Variants in ATP2B2 observed in about 807,000 individuals in gnomAD.
ATP2B2 encodes the protein ATPase plasma membrane Ca2+ transporting 2, also known as plasma membrane calcium-transporting ATPase 2.
A neutral mutation model predicts 120.0 loss-of-function variants in ATP2B2; 15 were observed. The observed-to-expected ratio is 0.12, with a 90% confidence interval of 0.08 to 0.19. The LOEUF (loss-of-function observed/expected upper bound fraction) is 0.19, where lower values mean the gene tolerates loss of function less well. Ranked by LOEUF, ATP2B2 falls within the 10% of genes least tolerant of loss-of-function variation. The pLI is 1.00. For missense variants in ATP2B2, 1,045 were observed against 1,719.8 expected (o/e 0.61, Z 6.94); for synonymous variants, 694 against 700.3 (o/e 0.99, Z 0.14).
chr3:10,483,697 G>A (rs905818007), intron 1 of ATP2B2, among the ~76,000 whole-genome samples: 13 of 152,198 alleles, frequency 8.5e-5, no homozygotes, highest in Non-Finnish European at 1.5e-4. Context: ...GAAGGGCCAC[G>A]GGAGGTTTTA....
chr3:10,344,331 G>A (rs1162575964), intron 18 of ATP2B2, among the ~76,000 whole-genome samples: 1 of 152,170 alleles, frequency 6.6e-6, no homozygotes, highest in Non-Finnish European at 1.5e-5. Context: ...GCCACTAGAG[G>A]GAGTGTCTCA....
At chr3:10,429,131 A>C (rs2063232557) in intron 2 of ATP2B2, among the ~76,000 whole-genome samples, 1 of 151,878 alleles carries the variant, frequency 6.6e-6, no homozygotes, top group Admixed American at 6.6e-5. Context: ...CACCTTCTCC[A>C]CTTTGCATCC....
intron 1 of ATP2B2, among the ~76,000 whole-genome samples, chr3:10,672,326 G>T (rs2125693348): frequency 6.6e-6 from 1 of 152,272 alleles, no homozygotes; most frequent in Non-Finnish European, 1.5e-5. Flanking sequence ...TTAACAGCTG[G>T]GTACGGGGCA....
Position 10,418,910 on chromosome 3 carries a change from G to A in ATP2B2, c.200-8095C>T, listed in dbSNP as rs1419005775. 2.0e-5 allele frequency among the ~76,000 whole-genome samples: 3 copies of A among 152,238 alleles called. No individual in the cohort carries two copies. In the East Asian group the frequency reaches 5.8e-4, roughly 29 times the overall value. ...GGGCAGAACTGTTTCCAGGAGTGGG[G>A]GGCTGGGAGCTGGGCGCCTTGTCTG... On this transcript the variant is annotated intron_variant, in intron 2 of 22. Transcript: ENST00000360273.
intron 1 of ATP2B2, among the ~76,000 whole-genome samples, chr3:10,450,068 C>A (rs2063980505): frequency 1.3e-5 from 2 of 152,254 alleles, no homozygotes; most frequent in Admixed American, 6.5e-5. Flanking sequence ...CAAGGCATAG[C>A]CCCATAACAC....
chr3:10,535,086 G>A (rs1466388227), intron 2 of ATP2B2, among the ~76,000 whole-genome samples: 3 of 151,658 alleles, frequency 2.0e-5, no homozygotes, highest in Non-Finnish European at 4.4e-5. Flanking sequence ...TTGTATTTTA[G>A]TAGAGATGGG....
rs751905206 is a variant in ATP2B2 at position 10,402,861 on chromosome 3, ATT to A, written c.398-515_398-514del. Among the ~76,000 whole-genome samples the A allele has an allele frequency of 9.0e-4, 137 of 152,158 alleles. No homozygotes were observed. The highest frequency in any genetic ancestry group is 1.2e-3 in the Non-Finnish European group (80 of 68,024). ...CAAGGCACAGAGGAGAGAAAAGAGAATTTTCTCTAATTGATGAGAAAAGACAA... is the reference window on the plus strand; with the variant it reads ...CAAGGCACAGAGGAGAGAAAAGAGAATTCTCTAATTGATGAGAAAAGACAA... On this transcript the variant is annotated intron_variant, in intron 3 of 22. Transcript: ENST00000360273. This position sits in a 1 kb window ranked among gnomAD's most constrained non-coding sequence, Gnocchi z 4.9.
chr3:10,330,453 A>G (rs2059947215), intron 22 of ATP2B2, among the ~76,000 whole-genome samples: 1 of 152,234 alleles, frequency 6.6e-6, no homozygotes, highest in Non-Finnish European at 1.5e-5. Context: ...AGTGCCTGTC[A>G]TCTCAAGAGT....
At chr3:10,373,700 A>G (rs1004049003) in intron 11 of ATP2B2, among the ~76,000 whole-genome samples, 5 of 152,150 alleles carry the variant, frequency 3.3e-5, no homozygotes, top group Admixed American at 6.5e-5. Flanking sequence ...TTCCTTTTTT[A>G]AAATAATGTA....
intron 2 of ATP2B2, among the ~76,000 whole-genome samples, chr3:10,419,718 A>C (rs1416771432): frequency 6.6e-6 from 1 of 152,208 alleles, no homozygotes; most frequent in Non-Finnish European, 1.5e-5. Context: ...AGATGCACAC[A>C]CTGAGGCACA....
chr3:10,487,392 AG>A (rs998963300), intron 1 of ATP2B2, among the ~76,000 whole-genome samples: 4 of 152,200 alleles, frequency 2.6e-5, no homozygotes, highest in African/African-American at 9.6e-5. Context: ...AGGGGTTACC[AG>A]GGTCATGAGT....
intron 2 of ATP2B2, among the ~76,000 whole-genome samples, chr3:10,537,809 C>T (rs1037590123): frequency 6.6e-5 from 10 of 152,150 alleles, no homozygotes; most frequent in Admixed American, 4.6e-4. Context: ...TGCTCTTTAT[C>T]AAGGTGAGGA....
At chr3:10,579,881 C>T (rs529598760) in intron 2 of ATP2B2, among the ~76,000 whole-genome samples, 9 of 147,798 alleles carry the variant, frequency 6.1e-5, no homozygotes, top group South Asian at 2.2e-4. Flanking sequence ...CTCAAAGTGC[C>T]GCCCCACAGT....
chr3:10,637,840 G>C (rs913955882), intron 1 of ATP2B2, among the ~76,000 whole-genome samples: 1 of 151,782 alleles, frequency 6.6e-6, no homozygotes, highest in Non-Finnish European at 1.5e-5. Flanking sequence ...GCAACACCAA[G>C]GCACATCAAA....
intron 2 of ATP2B2, chr3:10,566,406 A>G (rs1210292976): frequency 6.6e-6 from 1 of 152,200 alleles, no homozygotes; most frequent in Admixed American, 6.5e-5. Flanking sequence ...TTTATCTTCC[A>G]AGAAAATTCA....
intron 2 of ATP2B2, among the ~76,000 whole-genome samples, chr3:10,585,387 C>T (rs2068483207): frequency 6.7e-6 from 1 of 148,664 alleles, no homozygotes; most frequent in South Asian, 2.2e-4. Context: ...CCCAGCTACT[C>T]AGAGGCTGAG....
At chr3:10,379,913 A>C (rs956820541) in intron 8 of ATP2B2, among the ~76,000 whole-genome samples, 26 of 152,152 alleles carry the variant, frequency 1.7e-4, no homozygotes, top group African/African-American at 6.0e-4. Flanking sequence ...AAGAGTGTGA[A>C]GCCACCCAAG....
intron 2 of ATP2B2, among the ~76,000 whole-genome samples, chr3:10,426,889 T>C (rs897719447): frequency 1.2e-4 from 18 of 150,142 alleles, no homozygotes; most frequent in Non-Finnish European, 2.2e-4. Context: ...GGGGGGAAGA[T>C]GGTGATGAGA....
intron 1 of ATP2B2, among the ~76,000 whole-genome samples, chr3:10,683,575 G>C (rs2071433144): frequency 6.6e-6 from 1 of 151,532 alleles, no homozygotes; most frequent in African/African-American, 2.4e-5. Context: ...TGCTAGCAAT[G>C]AAACTATCAC....
Sources: allele counts gnomAD v4.1 joint callset (sites outside exome capture counted in the v4.1 genomes callset), GRCh38; gene constraint gnomAD v4.1.1; non-coding constraint Gnocchi (gnomAD v3.1); transcripts MANE v1.5; gene names NCBI Gene and HGNC (gene_info 2026-07-23, HGNC 2026-07-21).